Variants in RYR2 observed in about 807,000 individuals in gnomAD.
The protein encoded by RYR2 is cardiac muscle ryanodine receptor-calcium release channel.
RYR2 carries 227 observed loss-of-function variants against 601.1 expected under a neutral mutation model. That is an observed-to-expected ratio of 0.38 (90% confidence interval 0.34 to 0.42). RYR2 has a LOEUF of 0.42. RYR2 is among the 10% of genes least tolerant of loss of function. The pLI, the probability that RYR2 is intolerant of heterozygous loss-of-function variation, is 1.00. For synonymous variants in RYR2, 2,223 were observed against 2,175.1 expected (o/e 1.02, Z -0.61); for missense variants, 4,646 against 6,156.5 (o/e 0.75, Z 8.21).
intron 48 of RYR2, among the ~76,000 whole-genome samples, chr1:237,644,596 G>A (rs1349587861): frequency 6.6e-6 from 1 of 152,116 alleles, no homozygotes; most frequent in African/African-American, 2.4e-5. Context: ...AGTTATTGAA[G>A]ACAACTAAAA....
At chr1:237,321,120 G>A (rs544302954) in intron 2 of RYR2, among the ~76,000 whole-genome samples, 64 of 152,224 alleles carry the variant, frequency 4.2e-4, no homozygotes, top group Admixed American at 3.3e-3. Flanking sequence ...TTCTGGCTTA[G>A]GGCATGTCAC....
chr1:237,237,945 C>CTTTCCTTT (rs144453604), intron 1 of RYR2, among the ~76,000 whole-genome samples: 14 of 35,526 alleles, frequency 3.9e-4, no homozygotes, highest in East Asian at 8.2e-4. Context: ...CTTTCCTTTC[C>CTTTCCTTT]CCTTTCCTTT....
At position 237,274,836 on chromosome 1, in the gene RYR2, C is replaced by CTG. The variant is rs1426798585; in HGVS notation, c.168+4224_168+4225dup. ...GATATGTTTATATAAACAGATACCA[C>CTG]TGTGTTACAGTTGCCTCCAGTATTC... On this transcript the variant is annotated intron_variant, in intron 2 of 104. Transcript: ENST00000366574. 5.9e-5 allele frequency among the ~76,000 whole-genome samples: 9 copies of CTG among 152,224 alleles called. No individual in the cohort carries two copies. The East Asian group carries it at 9.6e-4, about 16-fold the overall frequency.
At chr1:237,198,896 A>G (rs1680866442) in intron 1 of RYR2, among the ~76,000 whole-genome samples, 1 of 151,548 alleles carries the variant, frequency 6.6e-6, no homozygotes, top group Non-Finnish European at 1.5e-5. Flanking sequence ...ATTAAGAAAG[A>G]TTTTCAACAA....
chr1:237,745,188 A>G (rs16835702), intron 80 of RYR2, among the ~76,000 whole-genome samples: 41,004 of 152,052 alleles, frequency 0.27, 5,681 homozygotes, highest in South Asian at 0.33. Context: ...AATGTAAATC[A>G]TGTATATACT....
At chr1:237,357,305 C>A (rs1376380034) in intron 4 of RYR2, among the ~76,000 whole-genome samples, 1 of 152,116 alleles carries the variant, frequency 6.6e-6, no homozygotes, top group Non-Finnish European at 1.5e-5. Context: ...GTAAGGGAAG[C>A]CTGCTTCCTT....
At position 237,150,941 on chromosome 1, in the gene RYR2, A is replaced by G. The variant is rs565054849; in HGVS notation, c.48+108372A>G. ...GCCAAGTGTTTAAGTTGGTGGTTTTAGTTTTACTTGGAGAACCTTTCTTCT... is the reference window on the plus strand; with the variant it reads ...GCCAAGTGTTTAAGTTGGTGGTTTTGGTTTTACTTGGAGAACCTTTCTTCT... On this transcript the variant is annotated intron_variant, in intron 1 of 104. Transcript: ENST00000366574. Among the ~76,000 whole-genome samples, 220 of 152,226 alleles carry G rather than the reference A, an allele frequency of 1.4e-3. 1 individual carries two copies. Among genetic ancestry groups the G allele is most frequent in the Non-Finnish European group, 2.2e-3 (147 of 67,980 alleles).
intron 2 of RYR2, among the ~76,000 whole-genome samples, chr1:237,297,814 A>C (rs541748435): frequency 6.6e-6 from 1 of 151,838 alleles, no homozygotes; most frequent in African/African-American, 2.4e-5. Flanking sequence ...GCAGTAGTGC[A>C]ATTATAGCTC....
intron 1 of RYR2, among the ~76,000 whole-genome samples, chr1:237,186,317 C>T (rs1218993937): frequency 6.6e-6 from 1 of 152,098 alleles, no homozygotes; most frequent in Non-Finnish European, 1.5e-5. Flanking sequence ...TTATGTTTGC[C>T]TCTTTTATAA....
At chr1:237,082,282 CCTAAGCA>C (rs991389802) in intron 1 of RYR2, among the ~76,000 whole-genome samples, 8 of 150,808 alleles carry the variant, frequency 5.3e-5, no homozygotes, top group Non-Finnish European at 7.4e-5. Flanking sequence ...TGTGTCAGAG[CCTAAGCA>C]CTAAGCACTA....
rs75090447 is a variant in RYR2 at position 237,235,797 on chromosome 1, A to G, written c.49-34700A>G. Among the ~76,000 whole-genome samples, 53 of 152,324 alleles carry G rather than the reference A, an allele frequency of 3.5e-4. No individual in the cohort carries two copies. In the East Asian group the frequency reaches 9.7e-3, roughly 28 times the overall value. On this transcript the variant is annotated intron_variant, in intron 1 of 104. Transcript: ENST00000366574. ...TTAAGGCTAGGAACTTGGTCATTAAAATAGTTTTTAGAGCAAGGTGTAGGG... is the reference window on the plus strand; with the variant it reads ...TTAAGGCTAGGAACTTGGTCATTAAGATAGTTTTTAGAGCAAGGTGTAGGG...
chr1:237,268,513 A>G (rs1689298081), intron 1 of RYR2, among the ~76,000 whole-genome samples: 1 of 152,214 alleles, frequency 6.6e-6, no homozygotes, highest in Non-Finnish European at 1.5e-5. Flanking sequence ...AAGCAAACAA[A>G]TGAATGTTCA....
intron 73 of RYR2, among the ~76,000 whole-genome samples, chr1:237,720,171 C>G (rs1689603571): frequency 6.6e-6 from 1 of 152,106 alleles, no homozygotes; most frequent in East Asian, 1.9e-4. Flanking sequence ...AAAAGTCAAG[C>G]TAGTATTTTG....
chr1:237,682,117 A>G (rs6676781), intron 62 of RYR2, among the ~76,000 whole-genome samples: 148,729 of 152,276 alleles, frequency 0.98, 72,740 homozygotes, highest in South Asian at 1. Context: ...AGAACTATTC[A>G]CTGAGCCCAT....
chr1:237,448,468 A>G (rs1657660543), intron 14 of RYR2, among the ~76,000 whole-genome samples: 1 of 152,176 alleles, frequency 6.6e-6, no homozygotes, highest in South Asian at 2.1e-4. Context: ...AAGAATGTGC[A>G]TTCTCCTCTT....
chr1:237,345,986 T>C lies in RYR2; in HGVS notation c.274-9979T>C, dbSNP rs558245930. On this transcript the variant is annotated intron_variant, in intron 3 of 104. Coordinates refer to ENST00000366574, the MANE Select transcript of RYR2 (RefSeq NM_001035.3). ...ATTTACTTAGCACCCATCCATCCAC[T>C]TGAATTTGTTAACATTAAGGTTTAT... Among the ~76,000 whole-genome samples the C allele has an allele frequency of 9.0e-4, 137 of 152,300 alleles. No homozygotes were observed. The Middle Eastern group carries it at 0.01, about 11-fold the overall frequency.
intron 29 of RYR2, among the ~76,000 whole-genome samples, chr1:237,574,850 T>C (rs867462294): frequency 6.6e-6 from 1 of 152,184 alleles, no homozygotes; most frequent in Non-Finnish European, 1.5e-5. Flanking sequence ...CGTTACCATC[T>C]TGATTATATC....
intron 17 of RYR2, among the ~76,000 whole-genome samples, chr1:237,490,178 GT>G (rs925564961): frequency 2.0e-5 from 3 of 152,180 alleles, no homozygotes; most frequent in African/African-American, 7.2e-5. Context: ...CCACTACTAA[GT>G]GGGAGGAAGG....
chr1:237,263,350 G>A (rs139998333), intron 1 of RYR2, among the ~76,000 whole-genome samples: 46 of 152,266 alleles, frequency 3.0e-4, no homozygotes, highest in African/African-American at 1.1e-3. Flanking sequence ...ACATTTGCAG[G>A]CACAGTGTTA....
Sources: gnomAD v4.1 joint callset for allele counts (sites outside exome capture counted in the v4.1 genomes callset) on GRCh38, gnomAD v4.1.1 for gene constraint, MANE v1.5 for transcripts, NCBI Gene and HGNC (gene_info 2026-07-23, HGNC 2026-07-21) for gene names.